TRAPPC8: variants seen among roughly 807,000 people sequenced by gnomAD.
TRAPPC8 encodes trafficking protein particle complex subunit 8, also known as general sporulation gene 1 homolog.
A neutral mutation model predicts 174.3 loss-of-function variants in TRAPPC8; 54 were observed. The ratio of observed to expected loss-of-function variants is 0.31; its 90% CI spans 0.25 to 0.39. The LOEUF is 0.39. Ranked by LOEUF, TRAPPC8 falls within the 10% of genes least tolerant of loss-of-function variation. TRAPPC8 has a pLI of 1.00. For missense variants in TRAPPC8, 1,531 were observed against 1,699.1 expected, an observed-to-expected ratio of 0.90 and a Z score of 1.74; for synonymous variants, 630 against 579.9, an observed-to-expected ratio of 1.09 and a Z score of -1.24.
At chr18:31,844,179 TA>T (rs2033260813) in intron 26 of TRAPPC8, among the ~76,000 whole-genome samples, 1 of 152,148 alleles carries the variant, frequency 6.6e-6, no homozygotes, top group Middle Eastern at 3.4e-3. Flanking sequence ...TTGTTGCAAA[TA>T]AAAAAACTAC....
chr18:31,882,499 C>T (rs146365498), intron 12 of TRAPPC8, among the ~76,000 whole-genome samples: 9 of 152,262 alleles, frequency 5.9e-5, no homozygotes, highest in African/African-American at 2.2e-4. Context: ...AAACAACCTA[C>T]TGGATAATAT....
At chr18:31,877,923 CAAA>C (rs147914322) in intron 12 of TRAPPC8, among the ~76,000 whole-genome samples, 61 of 74,634 alleles carry the variant, frequency 8.2e-4, no homozygotes, top group African/African-American at 2.6e-3. Flanking sequence ...AACTCTGTCT[CAAA>C]AAAAAAAAAA....
At chr18:31,933,819 CAA>C (rs1458332327) in intron 1 of TRAPPC8, among the ~76,000 whole-genome samples, 1 of 151,850 alleles carries the variant, frequency 6.6e-6, no homozygotes, top group Non-Finnish European at 1.5e-5. Context: ...AAAAAAGACT[CAA>C]AAACGTTTTT....
chr18:31,884,979 G>C (rs201404304), intron 12 of TRAPPC8, among the ~76,000 whole-genome samples: 1 of 150,762 alleles, frequency 6.6e-6, no homozygotes, highest in East Asian at 2.0e-4. Context: ...TCAGCCTCCC[G>C]AGTAGCTGGG....
intron 1 of TRAPPC8, among the ~76,000 whole-genome samples, chr18:31,940,650 C>A (rs2144334206): frequency 6.6e-6 from 1 of 151,982 alleles, no homozygotes; most frequent in Middle Eastern, 3.4e-3. Flanking sequence ...AGGCGCCCAC[C>A]ACCACGCCCA....
chr18:31,927,503 C>T (rs560747713), intron 2 of TRAPPC8, among the ~76,000 whole-genome samples: 4 of 152,112 alleles, frequency 2.6e-5, no homozygotes, highest in South Asian at 2.1e-4. Context: ...GTGATCCACC[C>T]GTCTCAGCCT....
At chr18:31,864,097 A>C (rs2034470662) in intron 19 of TRAPPC8, among the ~76,000 whole-genome samples, 2 of 149,034 alleles carry the variant, frequency 1.3e-5, no homozygotes, top group South Asian at 4.2e-4. Flanking sequence ...AAAATATTAT[A>C]ATACTTTAGT....
In TRAPPC8 at chr18:31,916,309, C is replaced by T; in HGVS notation, c.580G>A (p.Val194Ile). 6.2e-7 allele frequency: 1 copy of T among 1,601,520 alleles called. No homozygotes were observed. The highest frequency in any genetic ancestry group is 1.1e-5 in the South Asian group (1 of 88,214). ...CCTGCACTTACATCATGTAAAAGTA[C>T]ATAGTATTTAAGTGTATTTGGTATA... ...WFIPNTLKYY[V>I]LLHDVSAGDE... is the part of the protein sequence containing the mutation. The change falls in exon 4 of 29, where the codon GTA (valine) becomes ATA (isoleucine). Residue 194 changes from valine to isoleucine, a missense_variant. Coordinates refer to ENST00000283351, the MANE Select transcript of TRAPPC8 (RefSeq NM_014939.5).
intron 19 of TRAPPC8, among the ~76,000 whole-genome samples, chr18:31,864,033 A>G (rs2034465133): frequency 6.8e-6 from 1 of 147,976 alleles, no homozygotes; most frequent in Non-Finnish European, 1.5e-5. Context: ...AATATGTTCT[A>G]TAAAATATAA....
intron 14 of TRAPPC8, among the ~76,000 whole-genome samples, chr18:31,872,577 G>A (rs560705136): frequency 2.5e-4 from 38 of 152,048 alleles, no homozygotes; most frequent in South Asian, 8.3e-4. Context: ...ATGCCACCAC[G>A]CCCAGCTAGT....
intron 12 of TRAPPC8, among the ~76,000 whole-genome samples, chr18:31,885,079 G>A (rs914064404): frequency 2.0e-5 from 3 of 152,038 alleles, no homozygotes; most frequent in Non-Finnish European, 4.4e-5. Context: ...GGATGGTCTC[G>A]ATCTCCTGAC....
intron 10 of TRAPPC8, among the ~76,000 whole-genome samples, chr18:31,900,205 G>A (rs1487309229): frequency 2.0e-5 from 3 of 152,038 alleles, no homozygotes; most frequent in Non-Finnish European, 2.9e-5. Flanking sequence ...CTGCACTCCC[G>A]CCTGGACGAC....
At chr18:31,892,176 C>G (rs1216370772) in intron 11 of TRAPPC8, among the ~76,000 whole-genome samples, 1 of 152,110 alleles carries the variant, frequency 6.6e-6, no homozygotes, top group Non-Finnish European at 1.5e-5. Context: ...AAAAAGTGAA[C>G]ATCTTTCCTA....
chr18:31,870,470 G>T lies in TRAPPC8; in HGVS notation c.2290C>A (p.Pro764Thr). 1 of 1,609,664 alleles carries T rather than the reference G, an allele frequency of 6.2e-7. No individual in the cohort carries two copies. Among genetic ancestry groups the T allele is most frequent in the Non-Finnish European group, 8.5e-7 (1 of 1,177,750 alleles). The part of the protein sequence containing the change: ...PITVEVAFRN[P>T]LKVLLLLTDL... The stretch of plus-strand genomic sequence containing the variant: ...GTCAACAAAAGTAGAACTTTCAAAG[G>T]GTTTCTAAAAGCCACTTCCACTGTA... The change falls in exon 16 of 29, where the codon CCT becomes ACT. Residue 764 changes from proline to threonine, a missense_variant. Physicochemically the swap from Pro to Thr is conservative, Grantham distance 38 (BLOSUM62 -1). Coordinates refer to ENST00000283351, the MANE Select transcript of TRAPPC8 (RefSeq NM_014939.5).
At chr18:31,917,399 A>G (rs559441869) in intron 3 of TRAPPC8, among the ~76,000 whole-genome samples, 179 bp downstream of exon 3, 25 of 151,628 alleles carry the variant, frequency 1.6e-4, no homozygotes, top group African/African-American at 5.8e-4. Context: ...AAATTGTTAT[A>G]GCAGTCCTGT....
chr18:31,930,227 C>T (rs181741064), intron 2 of TRAPPC8, among the ~76,000 whole-genome samples: 56 of 151,804 alleles, frequency 3.7e-4, no homozygotes, highest in Non-Finnish European at 1.5e-4. Flanking sequence ...TCAAGCGATT[C>T]TTCTGCCTTG....
At chr18:31,931,197 A>G in intron 2 of TRAPPC8, 132 bp downstream of exon 2, 6 of 745,328 alleles carry the variant, frequency 8.1e-6, no homozygotes, top group Non-Finnish European at 7.7e-6. Context: ...GACTGTTTTC[A>G]ACATTGTATT....
chr18:31,840,114 T>G (rs2033006990), intron 26 of TRAPPC8, among the ~76,000 whole-genome samples: 1 of 152,100 alleles, frequency 6.6e-6, no homozygotes, highest in South Asian at 2.1e-4. Flanking sequence ...ATCCCAGCAC[T>G]TTGGGAGGCT....
chr18:31,829,634 T>A lies in TRAPPC8; in HGVS notation c.*1121A>T, dbSNP rs560395870. 6.6e-6 allele frequency: 1 copy of A among 152,254 alleles called. No homozygotes were observed. The highest frequency in any genetic ancestry group is 2.4e-5 in the African/African-American group (1 of 41,444). 9.4% of individuals were successfully genotyped at this position (152,254 alleles called of 1,614,324 possible). ...GGGGTCTTTTGATCTCTCCCCACTT[T>A]GGTGCAGTCTGCTCCGATTAGTGCC... On this transcript the variant is annotated 3_prime_UTR_variant, in exon 29 of 29. Transcript: ENST00000283351.
Sources: allele counts gnomAD v4.1 joint callset (sites outside exome capture counted in the v4.1 genomes callset), GRCh38; gene constraint gnomAD v4.1.1; transcripts MANE v1.5; gene names NCBI Gene and HGNC (gene_info 2026-07-23, HGNC 2026-07-21).